The following TMCO1 variants were observed in gnomAD, a reference collection of about 807,000 sequenced individuals.
TMCO1 encodes the protein transmembrane and coiled-coil domains 1.
Under a neutral mutation model 29.3 loss-of-function variants are expected in TMCO1, and 29 were observed. The ratio of observed to expected loss-of-function variants is 0.99; its 90% confidence interval spans 0.74 to 1.35. The LOEUF is 1.35. Among genes scored for constraint, TMCO1 ranks in the 40% most tolerant of loss-of-function variants. The pLI is 0.00. For synonymous variants in TMCO1, 80 were observed against 77.1 expected, an observed-to-expected ratio of 1.04 and a Z score of -0.20; for missense variants, 173 against 225.5, an observed-to-expected ratio of 0.77 and a Z score of 1.49.
chr1:165,766,053 C>T (rs903478229), intron 2 of TMCO1, among the ~76,000 whole-genome samples: 5 of 152,136 alleles, frequency 3.3e-5, no homozygotes, highest in African/African-American at 1.2e-4. Flanking sequence ...GCTTTCTGAA[C>T]CTTTACTGGT....
intron 5 of TMCO1, among the ~76,000 whole-genome samples, chr1:165,749,054 G>T (rs1215410604): frequency 6.6e-6 from 1 of 152,096 alleles, no homozygotes; most frequent in Non-Finnish European, 1.5e-5. Context: ...TCATTGTCTA[G>T]TTGTACCACA....
At chr1:165,753,802 T>G (rs1367607450) in intron 4 of TMCO1, among the ~76,000 whole-genome samples, 4 of 151,886 alleles carry the variant, frequency 2.6e-5, no homozygotes, top group African/African-American at 9.7e-5. Context: ...CAAAGCAAGA[T>G]CCTGTCTCTA....
chr1:165,735,671 T>C (rs539036392), intron 6 of TMCO1, among the ~76,000 whole-genome samples: 46 of 152,192 alleles, frequency 3.0e-4, no homozygotes, highest in African/African-American at 1.1e-3. Context: ...TGCACCACCA[T>C]GCCTGGCTAA....
chr1:165,747,754 C>T (rs571853304), intron 5 of TMCO1, among the ~76,000 whole-genome samples: 10 of 152,270 alleles, frequency 6.6e-5, no homozygotes, highest in African/African-American at 2.4e-4. Context: ...GGGTTAAACC[C>T]CAGCTCAACA....
intron 1 of TMCO1, 37 bp from the exon 2 acceptor site, chr1:165,768,306 A>T (rs373111593): frequency 5.0e-6 from 8 of 1,586,786 alleles, no homozygotes; most frequent in Non-Finnish European, 6.9e-6. Context: ...TAGAGAAATG[A>T]CTGGAATGAT....
chr1:165,755,154 C>T (rs1558039707), intron 3 of TMCO1, among the ~76,000 whole-genome samples: 1 of 152,002 alleles, frequency 6.6e-6, no homozygotes, highest in South Asian at 2.1e-4. Flanking sequence ...TCCAAGGTGA[C>T]TAGCAAAAGG....
chr1:165,745,362 G>A (rs1348038808), intron 5 of TMCO1, among the ~76,000 whole-genome samples: 2 of 149,942 alleles, frequency 1.3e-5, no homozygotes, highest in African/African-American at 2.5e-5. Context: ...TTGGCCAGGC[G>A]TGGTGGCTCA....
Position 165,727,599 on chromosome 1 carries a change from G to GAAAA in TMCO1, c.*420_*423dup. ...TGATCTTATGTCATGTATTTGGCTT[G>GAAAA]AAAAAAAAACAACAACAAAACAAAC... On this transcript the variant is annotated 3_prime_UTR_variant, in exon 7 of 7. Transcript: ENST00000367881. The GAAAA allele has an allele frequency of 2.2e-6, 1 of 447,274 alleles. No individual in the cohort carries two copies. Among genetic ancestry groups the GAAAA allele is most frequent in the South Asian group, 1.6e-5 (1 of 63,636 alleles). 27.7% of individuals were successfully genotyped at this position (447,274 alleles called of 1,614,324 possible).
chr1:165,738,418 C>T (rs1203910702), intron 6 of TMCO1, among the ~76,000 whole-genome samples: 2 of 152,218 alleles, frequency 1.3e-5, no homozygotes, highest in Non-Finnish European at 2.9e-5. Flanking sequence ...TCTGACTATT[C>T]ATTTCGCAGG....
rs776946693 is a variant in TMCO1 at position 165,726,859 on chromosome 1, C to A, written c.*1164G>T. The stretch of plus-strand genomic sequence containing the variant: ...TTGTACATAAAATTCTAAGTTGATA[C>A]TTATTTTCCTCAGCACTTTGAAGAT... On this transcript the variant is annotated 3_prime_UTR_variant, in exon 7 of 7. Transcript: ENST00000367881. 1.3e-5 allele frequency: 6 copies of A among 453,640 alleles called. No homozygotes were observed. The East Asian group carries it at 4.2e-4, about 32-fold the overall frequency. The allele number at this position is 453,640 out of a possible 1,614,324, so 28.1% of individuals were successfully genotyped here.
chr1:165,768,388 A>G, intron 1 of TMCO1, 119 bp from the exon 2 acceptor site: 1 of 1,486,210 alleles, frequency 6.7e-7, no homozygotes. Flanking sequence ...ACCCATAGTT[A>G]ACTTTTTTCA....
At chr1:165,726,592 G>A (rs750602930), downstream of TMCO1, 3 of 459,022 alleles carry the variant, frequency 6.5e-6, no homozygotes, top group South Asian at 4.7e-5. Flanking sequence ...TTAAATGAAG[G>A]TAAGAACAGT....
intron 2 of TMCO1, among the ~76,000 whole-genome samples, chr1:165,763,010 T>C (rs1429357297): frequency 6.6e-6 from 1 of 152,194 alleles, no homozygotes; most frequent in Non-Finnish European, 1.5e-5. Context: ...ACTCACTACC[T>C]TTAAGAAAGC....
chr1:165,726,769 A>C (rs1268770874), downstream of TMCO1: 1 of 453,806 alleles, frequency 2.2e-6, no homozygotes, highest in South Asian at 1.6e-5. Context: ...CTTGGAATAT[A>C]ACCTTTAATA....
At chr1:165,732,040 G>A (rs1198799519) in intron 6 of TMCO1, among the ~76,000 whole-genome samples, 1 of 152,138 alleles carries the variant, frequency 6.6e-6, no homozygotes, top group African/African-American at 2.4e-5. Flanking sequence ...ATTTTTCTCA[G>A]ACAGATTTCC....
intron 6 of TMCO1, among the ~76,000 whole-genome samples, chr1:165,730,719 CGA>C (rs1379815532): frequency 4.6e-5 from 7 of 151,984 alleles, no homozygotes; most frequent in Non-Finnish European, 1.0e-4. Flanking sequence ...CTCAGCCTCC[CGA>C]GGAGCTGGGA....
At chr1:165,734,624 G>T (rs1465548645) in intron 6 of TMCO1, among the ~76,000 whole-genome samples, 1 of 151,924 alleles carries the variant, frequency 6.6e-6, no homozygotes, top group African/African-American at 2.4e-5. Context: ...CTCTTCCTTA[G>T]CCTCCCAAGT....
intron 3 of TMCO1, among the ~76,000 whole-genome samples, chr1:165,759,251 C>CA (rs1379665914): frequency 1.3e-5 from 2 of 152,062 alleles, no homozygotes; most frequent in Non-Finnish European, 2.9e-5. Context: ...CAAACTATGC[C>CA]AAAAACCCTC....
intron 6 of TMCO1, among the ~76,000 whole-genome samples, chr1:165,731,939 G>A (rs1234782258): frequency 6.6e-6 from 1 of 152,182 alleles, no homozygotes; most frequent in Non-Finnish European, 1.5e-5. Context: ...CAAACATTCT[G>A]CATTTACTGC....
Sources: allele counts gnomAD v4.1 joint callset (sites outside exome capture counted in the v4.1 genomes callset), GRCh38; gene constraint gnomAD v4.1.1; transcripts MANE v1.5; gene names NCBI Gene and HGNC (gene_info 2026-07-23, HGNC 2026-07-21).